Variants in TSPAN9 observed in about 807,000 individuals in gnomAD.
TSPAN9 encodes tetraspanin-9.
A neutral mutation model predicts 31.0 loss-of-function variants in TSPAN9; 16 were observed. The observed-to-expected ratio is 0.52, with a 90% confidence interval of 0.35 to 0.78. The LOEUF is 0.78. Among genes scored for constraint, TSPAN9 ranks in the 30% least tolerant of loss-of-function variants. The pLI is 0.01. For synonymous variants in TSPAN9, 145 were observed against 121.6 expected (o/e 1.19, Z -1.27); for missense variants, 272 against 312.5 (o/e 0.87, Z 0.98).
chr12:3,155,830 C>T (rs1009424550), intron 2 of TSPAN9, among the ~76,000 whole-genome samples: 5 of 152,144 alleles, frequency 3.3e-5, no homozygotes, highest in South Asian at 2.1e-4. Context: ...ACACTGGAGG[C>T]GGAGTTGCCA....
intron 3 of TSPAN9, among the ~76,000 whole-genome samples, chr12:3,269,674 G>C (rs1314926987): frequency 6.6e-6 from 1 of 152,266 alleles, no homozygotes; most frequent in Non-Finnish European, 1.5e-5. Context: ...TGCAGCAGAG[G>C]CTTGCAGTCT....
At chr12:3,138,433 C>G (rs989265996) in intron 2 of TSPAN9, among the ~76,000 whole-genome samples, 1 of 152,004 alleles carries the variant, frequency 6.6e-6, no homozygotes, top group Admixed American at 6.6e-5. Flanking sequence ...CTGCCCAGTC[C>G]TGTCTCCTCG....
At chr12:3,273,314 T>C (rs1591719062) in intron 3 of TSPAN9, 2 of 152,370 alleles carry the variant, frequency 1.3e-5, no homozygotes, top group Admixed American at 6.5e-5. Context: ...TGAAGTTATT[T>C]TGAAATGCCT....
chr12:3,115,215 AGGTTTTCAG>A (rs1187314495), intron 2 of TSPAN9, among the ~76,000 whole-genome samples: 2 of 152,160 alleles, frequency 1.3e-5, no homozygotes, highest in East Asian at 3.9e-4. Flanking sequence ...ACTTAGCATA[AGGTTTTCAG>A]GGTTCATCTG....
Position 3,280,687 on chromosome 12 carries a change from C to T in TSPAN9, c.432+204C>T, listed in dbSNP as rs1689243613. ...GTACAGCCAGGGAGGGATGAGGATA[C>T]AGGAGGGGCAGGCCTGAGAGAGCTG... On this transcript the variant is annotated intron_variant, in intron 6 of 8. Transcript: ENST00000011898. The surrounding 1 kb of genome is among the most constrained non-coding windows in gnomAD (Gnocchi z 4.5). Among the ~76,000 whole-genome samples, 2 of 152,172 alleles carry T rather than the reference C, an allele frequency of 1.3e-5. No individual in the cohort carries two copies. Among genetic ancestry groups the T allele is most frequent in the Non-Finnish European group, 2.9e-5 (2 of 68,022 alleles).
intron 2 of TSPAN9, among the ~76,000 whole-genome samples, chr12:3,166,377 T>C (rs2098348414): frequency 6.6e-6 from 1 of 152,250 alleles, no homozygotes; most frequent in African/African-American, 2.4e-5. Context: ...AATGAGGTTT[T>C]ACTAAGAATA....
intron 2 of TSPAN9, among the ~76,000 whole-genome samples, chr12:3,110,754 G>A (rs1427676438): frequency 3.9e-5 from 6 of 152,208 alleles, no homozygotes; most frequent in South Asian, 4.1e-4. Flanking sequence ...CTGTTCTGAT[G>A]TGCCAGTCAT....
At position 3,280,558 on chromosome 12, in the gene TSPAN9, GGTGACCTGGCCGGGCACCT is replaced by G; in HGVS notation, c.432+79_432+97del. On this transcript the variant is annotated intron_variant, in intron 6 of 8. Coordinates refer to ENST00000011898, the MANE Select transcript of TSPAN9 (RefSeq NM_006675.5). This position sits in a 1 kb window ranked among gnomAD's most constrained non-coding sequence, Gnocchi z 4.5. Reference sequence around the variant, plus strand: ...GCCGGTACTTCTAGCTGCCTTCCCCGGTGACCTGGCCGGGCACCTGTGCTTTCTGGATTTTAGCCGGGAG... The same window carrying G: ...GCCGGTACTTCTAGCTGCCTTCCCCGGTGCTTTCTGGATTTTAGCCGGGAG... The G allele has an allele frequency of 7.2e-7, 1 of 1,394,016 alleles. No individual in the cohort carries two copies. The allele number at this position is 1,394,016 out of a possible 1,614,324, so 86.4% of individuals were successfully genotyped here.
chr12:3,250,138 G>A (rs1316806028), intron 3 of TSPAN9, among the ~76,000 whole-genome samples: 3 of 152,082 alleles, frequency 2.0e-5, no homozygotes, highest in Admixed American at 6.5e-5. Flanking sequence ...TTCCTGTCAT[G>A]GCCCTTGTGT....
intron 3 of TSPAN9, among the ~76,000 whole-genome samples, chr12:3,210,340 A>G (rs1239038525): frequency 6.6e-6 from 1 of 152,098 alleles, no homozygotes; most frequent in Non-Finnish European, 1.5e-5. Flanking sequence ...TCAATGGGGA[A>G]TGGTTTTTGG....
chr12:3,077,435 C>T lies in TSPAN9; in HGVS notation c.-103C>T, dbSNP rs1359033481. The T allele has an allele frequency of 2.0e-5, 3 of 151,350 alleles. No individual in the cohort carries two copies. Among genetic ancestry groups the T allele is most frequent in the Admixed American group, 1.3e-4 (2 of 15,094 alleles). The allele number at this position is 151,350 out of a possible 1,614,324, so 9.4% of individuals were successfully genotyped here. On this transcript the variant is annotated 5_prime_UTR_variant, in exon 1 of 9. Transcript: ENST00000011898. ...CCGGAGCGCGAGCAGAGCGGAGACC[C>T]CCAGGTCCTGCGGGCGCGGTGAGTG...
At position 3,170,059 on chromosome 12, in the gene TSPAN9, G is replaced by A. The variant is rs1444180594; in HGVS notation, c.-17-31118G>A. On this transcript the variant is annotated intron_variant, in intron 2 of 8. Coordinates refer to ENST00000011898, the MANE Select transcript of TSPAN9 (RefSeq NM_006675.5). This position sits in a 1 kb window ranked among gnomAD's most constrained non-coding sequence, Gnocchi z 4.4. ...TCATCTCTGCTACTTTCTGGCTGCCGTGACCTTGAGCAAGTCCCTTTACTT... is the reference window on the plus strand; with the variant it reads ...TCATCTCTGCTACTTTCTGGCTGCCATGACCTTGAGCAAGTCCCTTTACTT... Among the ~76,000 whole-genome samples the A allele has an allele frequency of 1.3e-5, 2 of 152,134 alleles. No homozygotes were observed. Among genetic ancestry groups the A allele is most frequent in the African/African-American group, 4.8e-5 (2 of 41,414 alleles).
chr12:3,218,499 C>T (rs1268818086), intron 3 of TSPAN9, among the ~76,000 whole-genome samples: 1 of 152,258 alleles, frequency 6.6e-6, no homozygotes, highest in Non-Finnish European at 1.5e-5. Context: ...CAGGACTTCT[C>T]ACCTGGCCTT....
intron 5 of TSPAN9, among the ~76,000 whole-genome samples, chr12:3,279,731 C>A (rs570045567): frequency 2.7e-4 from 41 of 152,338 alleles, no homozygotes; most frequent in Middle Eastern, 3.4e-3. Flanking sequence ...CTGAGCCACA[C>A]TGAAAGTTAG....
rs965899119 is a variant in TSPAN9 at position 3,248,011 on chromosome 12, T to A, written c.64-30410T>A. ...ATTAGAAGACTGCATCTTAATCAAA[T>A]GACAGACTGACTGTCTGCTTGCCCC... On this transcript the variant is annotated intron_variant, in intron 3 of 8. Transcript: ENST00000011898. Among the ~76,000 whole-genome samples the A allele has an allele frequency of 2.0e-5, 3 of 152,226 alleles. No homozygotes were observed. In the East Asian group the frequency reaches 5.8e-4, roughly 29 times the overall value.
At chr12:3,079,517 G>A (rs549747200) in intron 1 of TSPAN9, among the ~76,000 whole-genome samples, 32 of 151,888 alleles carry the variant, frequency 2.1e-4, no homozygotes, top group Non-Finnish European at 4.0e-4. Context: ...GCTGGAGTGC[G>A]ATGGCACTAT....
At chr12:3,154,605 C>A (rs2098341349) in intron 2 of TSPAN9, among the ~76,000 whole-genome samples, 1 of 152,238 alleles carries the variant, frequency 6.6e-6, no homozygotes, top group Non-Finnish European at 1.5e-5. Flanking sequence ...CCTTCCCTCC[C>A]TTTTCCTCAG....
At chr12:3,079,944 A>ATTTTTT (rs1365173743) in intron 1 of TSPAN9, among the ~76,000 whole-genome samples, 1 of 130,126 alleles carries the variant, frequency 7.7e-6, no homozygotes, top group Non-Finnish European at 1.8e-5. Flanking sequence ...TAATTAAAAA[A>ATTTTTT]ATTTTTTTTT....
chr12:3,224,991 C>T (rs955541285), intron 3 of TSPAN9, among the ~76,000 whole-genome samples: 1 of 152,206 alleles, frequency 6.6e-6, no homozygotes, highest in Non-Finnish European at 1.5e-5. Context: ...TTCATCCAGC[C>T]ACTCCACTGT....
Sources: allele counts gnomAD v4.1 joint callset (sites outside exome capture counted in the v4.1 genomes callset), GRCh38; gene constraint gnomAD v4.1.1; non-coding constraint Gnocchi (gnomAD v3.1); transcripts MANE v1.5; gene names NCBI Gene and HGNC (gene_info 2026-07-23, HGNC 2026-07-21).